The following BRAF variants were observed in gnomAD, a reference collection of about 807,000 sequenced individuals.
The protein encoded by BRAF is B-Raf proto-oncogene, serine/threonine kinase, also known as serine/threonine-protein kinase B-raf.
In BRAF, 16 loss-of-function variants were observed where a neutral mutation model predicts 104.6. The ratio of observed to expected loss-of-function variants is 0.15; its 90% CI spans 0.10 to 0.23. The LOEUF is 0.23. BRAF is among the 10% of genes least tolerant of loss of function. The pLI, the probability that BRAF is intolerant of heterozygous loss-of-function variation, is 1.00. For missense variants in BRAF, 541 were observed against 937.3 expected, an observed-to-expected ratio of 0.58 and a Z score of 5.52; for synonymous variants, 310 against 341.6, an observed-to-expected ratio of 0.91 and a Z score of 1.02.
At chr7:140,890,956 T>C (rs1158603832) in intron 1 of BRAF, among the ~76,000 whole-genome samples, 2 of 152,220 alleles carry the variant, frequency 1.3e-5, no homozygotes, top group Non-Finnish European at 2.9e-5. Flanking sequence ...GTACAACTTA[T>C]TTATTAATGT....
rs141109782 is a variant in BRAF, at chr7:140,778,139, C to T, written c.1553-64G>A. On this transcript the variant is annotated intron_variant, in intron 12 of 19. Transcript: ENST00000644969. Reference sequence around the variant, plus strand: ...TTAAAATTTAAAAGTATAAAACATTCTTGGGTGTTTTCACTAATTATCATA... The same window carrying T: ...TTAAAATTTAAAAGTATAAAACATTTTTGGGTGTTTTCACTAATTATCATA... 3,665 of 1,487,104 alleles carry T rather than the reference C, an allele frequency of 2.5e-3. 4 individuals are homozygous for T. Among genetic ancestry groups the T allele is most frequent in the South Asian group, 4.0e-3 (343 of 86,618 alleles). 92.1% of individuals were successfully genotyped at this position (1,487,104 alleles called of 1,614,324 possible).
chr7:140,849,009 T>G (rs377523933), intron 2 of BRAF, among the ~76,000 whole-genome samples: 3 of 152,384 alleles, frequency 2.0e-5, no homozygotes, highest in South Asian at 4.1e-4. Context: ...AGTCTTTCAA[T>G]CTGTGCTTAA....
chr7:140,846,432 T>C (rs1046059598), intron 2 of BRAF, among the ~76,000 whole-genome samples: 1 of 152,228 alleles, frequency 6.6e-6, no homozygotes, highest in African/African-American at 2.4e-5. Flanking sequence ...AAATATTATA[T>C]GATTCCATTA....
chr7:140,751,324 G>A (rs1797769873), intron 16 of BRAF, among the ~76,000 whole-genome samples: 1 of 152,068 alleles, frequency 6.6e-6, no homozygotes, highest in Admixed American at 6.6e-5. Context: ...TTAAAAGCAC[G>A]TGACAATTGT....
At chr7:140,878,574 G>A (rs1434537124) in intron 1 of BRAF, among the ~76,000 whole-genome samples, 1 of 152,092 alleles carries the variant, frequency 6.6e-6, no homozygotes, top group Non-Finnish European at 1.5e-5. Context: ...GTAGAGTAGT[G>A]GTTATCAGAG....
At chr7:140,913,436 T>C (rs950748035) in intron 1 of BRAF, among the ~76,000 whole-genome samples, 2 of 151,228 alleles carry the variant, frequency 1.3e-5, no homozygotes, top group African/African-American at 4.9e-5. Flanking sequence ...CAATGTAGTT[T>C]TGGATGAATG....
At chr7:140,864,914 T>C (rs1441385394) in intron 1 of BRAF, among the ~76,000 whole-genome samples, 1 of 152,064 alleles carries the variant, frequency 6.6e-6, no homozygotes, top group Non-Finnish European at 1.5e-5. Flanking sequence ...TGGTCTTCGA[T>C]AACAAATGAA....
chr7:140,790,621 A>G (rs1272119260), intron 8 of BRAF, among the ~76,000 whole-genome samples: 1 of 152,220 alleles, frequency 6.6e-6, no homozygotes, highest in Non-Finnish European at 1.5e-5. Context: ...TTTGCCCAAC[A>G]TCACACAGTC....
chr7:140,771,766 T>C (rs1443480921), intron 14 of BRAF, among the ~76,000 whole-genome samples: 2 of 152,188 alleles, frequency 1.3e-5, no homozygotes, highest in Admixed American at 1.3e-4. Context: ...TGTGAGATGA[T>C]GCTGGTCAGG....
rs537451693 is a variant in BRAF, at chr7:140,825,381, A to G, written c.504+9228T>C. ...TGTGGTTTCTCTTTTTATTCTCTTA[A>G]TACTGTCTTTTGAAGAGCAGAAGTT... On this transcript the variant is annotated intron_variant, in intron 3 of 19. Coordinates refer to ENST00000644969, the MANE Select transcript of BRAF (RefSeq NM_001374258.1). 4.6e-5 allele frequency among the ~76,000 whole-genome samples: 7 copies of G among 152,236 alleles called. No individual in the cohort carries two copies. In the East Asian group the frequency reaches 1.2e-3, roughly 25 times the overall value.
intron 11 of BRAF, 49 bp downstream of exon 10, chr7:140,782,972 C>G: frequency 6.2e-7 from 1 of 1,600,024 alleles, no homozygotes; most frequent in Non-Finnish European, 8.5e-7. Context: ...TTGGCTGTGA[C>G]TTCTAAGAAG....
intron 2 of BRAF, among the ~76,000 whole-genome samples, chr7:140,846,632 T>G (rs1301743404): frequency 2.0e-5 from 3 of 152,004 alleles, no homozygotes; most frequent in Non-Finnish European, 4.4e-5. Flanking sequence ...ATGGACTTAA[T>G]GCCACAGAAC....
chr7:140,838,299 A>G (rs1807565708), intron 2 of BRAF, among the ~76,000 whole-genome samples: 1 of 152,222 alleles, frequency 6.6e-6, no homozygotes, highest in African/African-American at 2.4e-5. Context: ...CAACTTCAAA[A>G]TAATTTTGTG....
chr7:140,899,651 A>C (rs1815376341), intron 1 of BRAF, among the ~76,000 whole-genome samples: 1 of 152,074 alleles, frequency 6.6e-6, no homozygotes. Context: ...TTTTAATTCA[A>C]ATGCCTGCTC....
At chr7:140,903,613 A>G (rs951402202) in intron 1 of BRAF, among the ~76,000 whole-genome samples, 4 of 152,232 alleles carry the variant, frequency 2.6e-5, no homozygotes, top group African/African-American at 9.6e-5. Context: ...CTTATTTAAG[A>G]AGTACCTTTC....
Position 140,720,430 on chromosome 7 carries a change from G to T in BRAF, c.*6064C>A. 1.9e-6 allele frequency: 2 copies of T among 1,062,464 alleles called. No individual in the cohort carries two copies. Among genetic ancestry groups the T allele is most frequent in the Non-Finnish European group, 2.3e-6 (2 of 877,686 alleles). 65.8% of individuals were successfully genotyped at this position (1,062,464 alleles called of 1,614,324 possible). A position where few individuals can be genotyped will look rare whatever the true frequency, so the allele number is the denominator to read the frequency against. ...ACATGAAGATAAATAAGACATAAAG[G>T]CTAGCCACTTACGTTGGTCATTAAC... On this transcript the variant is annotated 3_prime_UTR_variant, in exon 20 of 20. Transcript: ENST00000644969.
At chr7:140,869,138 A>C (rs1022366520) in intron 1 of BRAF, among the ~76,000 whole-genome samples, 3 of 152,244 alleles carry the variant, frequency 2.0e-5, no homozygotes, top group Admixed American at 2.0e-4. Context: ...CCCGGGAGGC[A>C]CATTAACCAG....
intron 3 of BRAF, among the ~76,000 whole-genome samples, chr7:140,809,692 G>A (rs1438218245): frequency 1.3e-5 from 2 of 152,156 alleles, no homozygotes; most frequent in Admixed American, 6.5e-5. Flanking sequence ...CATGGACACT[G>A]ACAGAGAAAA....
chr7:140,842,133 G>C (rs1808034035), intron 2 of BRAF, among the ~76,000 whole-genome samples: 1 of 152,014 alleles, frequency 6.6e-6, no homozygotes, highest in Non-Finnish European at 1.5e-5. Context: ...ATTATTCTAG[G>C]TTCTATATAG....
Sources: gnomAD v4.1 joint callset for allele counts (sites outside exome capture counted in the v4.1 genomes callset) on GRCh38, gnomAD v4.1.1 for gene constraint, MANE v1.5 for transcripts, NCBI Gene and HGNC (gene_info 2026-07-23, HGNC 2026-07-21) for gene names.